The following MAPRE3 variants were observed in gnomAD, a reference collection of about 807,000 sequenced individuals.
The protein encoded by MAPRE3 is microtubule associated protein RP/EB family member 3.
Under a neutral mutation model 30.5 loss-of-function variants are expected in MAPRE3, and 2 were observed. The ratio of observed to expected loss-of-function variants is 0.07; its 90% CI spans 0.03 to 0.21. The LOEUF (loss-of-function observed/expected upper bound fraction) is 0.21, where lower values mean the gene tolerates loss of function less well. MAPRE3 is among the 10% of genes least tolerant of loss of function. The pLI is 1.00. For synonymous variants in MAPRE3, 110 were observed against 127.7 expected, an observed-to-expected ratio of 0.86 and a Z score of 0.93; for missense variants, 204 against 351.8, an observed-to-expected ratio of 0.58 and a Z score of 3.36.
chr2:27,021,614 A>G (rs1667111655), intron 1 of MAPRE3, among the ~76,000 whole-genome samples: 1 of 152,172 alleles, frequency 6.6e-6, no homozygotes, highest in African/African-American at 2.4e-5. Context: ...CCAAATAGAA[A>G]GTCCAGATTC....
intron 1 of MAPRE3, among the ~76,000 whole-genome samples, chr2:27,003,527 T>G (rs1334828316): frequency 6.6e-6 from 1 of 152,232 alleles, no homozygotes; most frequent in Non-Finnish European, 1.5e-5. Flanking sequence ...CGAGCTTTTC[T>G]CATAGCCATG....
chr2:27,006,121 G>A (rs575871578), intron 1 of MAPRE3, among the ~76,000 whole-genome samples: 1 of 152,282 alleles, frequency 6.6e-6, no homozygotes, highest in East Asian at 1.9e-4. Flanking sequence ...GGCGTAGCTG[G>A]CACTGAGCCA....
chr2:26,973,647 C>T (rs891024008), intron 1 of MAPRE3, among the ~76,000 whole-genome samples: 5 of 151,922 alleles, frequency 3.3e-5, no homozygotes, highest in Admixed American at 1.3e-4. Context: ...CTCCGCTTCC[C>T]GGGGTTCACG....
chr2:27,011,509 G>C (rs1298257735), intron 1 of MAPRE3, among the ~76,000 whole-genome samples: 1 of 152,192 alleles, frequency 6.6e-6, no homozygotes, highest in Non-Finnish European at 1.5e-5. Context: ...ACTGGGTGTT[G>C]AGCATTTTGT....
At chr2:26,974,598 A>G (rs1046112254) in intron 1 of MAPRE3, among the ~76,000 whole-genome samples, 1 of 152,192 alleles carries the variant, frequency 6.6e-6, no homozygotes, top group African/African-American at 2.4e-5. Flanking sequence ...TCTGGGAGCC[A>G]TAAGGACTTC....
intron 1 of MAPRE3, among the ~76,000 whole-genome samples, chr2:26,973,173 C>T (rs1410693363): frequency 3.3e-5 from 5 of 152,092 alleles, no homozygotes; most frequent in Admixed American, 2.0e-4. Context: ...TTAAAACCCT[C>T]GGGAAATGGC....
intron 1 of MAPRE3, among the ~76,000 whole-genome samples, chr2:26,971,602 C>G (rs115803390): frequency 1.3e-5 from 2 of 149,756 alleles, no homozygotes; most frequent in Admixed American, 1.3e-4. Flanking sequence ...AAGCATCTTG[C>G]GGAACTCTTT....
At chr2:26,996,234 C>T (rs1666457280) in intron 1 of MAPRE3, among the ~76,000 whole-genome samples, 1 of 151,550 alleles carries the variant, frequency 6.6e-6, no homozygotes, top group South Asian at 2.1e-4. Flanking sequence ...CTCACTGCAG[C>T]CTGGATCTCC....
At chr2:26,971,776 T>G (rs1426695121) in intron 1 of MAPRE3, among the ~76,000 whole-genome samples, 1 of 152,106 alleles carries the variant, frequency 6.6e-6, no homozygotes, top group East Asian at 1.9e-4. Flanking sequence ...TGGATAGTAG[T>G]GAGTTTTTAA....
intron 1 of MAPRE3, among the ~76,000 whole-genome samples, chr2:27,007,594 C>T (rs1666759114): frequency 6.6e-6 from 1 of 152,126 alleles, no homozygotes; most frequent in Non-Finnish European, 1.5e-5. Flanking sequence ...TAGAACACAG[C>T]AAAAGGTCAT....
intron 1 of MAPRE3, among the ~76,000 whole-genome samples, chr2:27,008,472 G>T (rs1558381891): frequency 6.6e-6 from 1 of 151,988 alleles, no homozygotes; most frequent in African/African-American, 2.4e-5. Flanking sequence ...TTAAAAAGAA[G>T]AAAAAATCTG....
intron 1 of MAPRE3, among the ~76,000 whole-genome samples, chr2:26,997,868 C>T (rs553086364): frequency 6.6e-6 from 1 of 152,328 alleles, no homozygotes; most frequent in Admixed American, 6.5e-5. Flanking sequence ...ATTGTTGCAT[C>T]TATTAGAAGG....
At chr2:27,006,074 C>CGGGAGGCTGAGGCAGGAGAATGG (rs1487833317) in intron 1 of MAPRE3, among the ~76,000 whole-genome samples, 12 of 152,014 alleles carry the variant, frequency 7.9e-5, no homozygotes, top group Non-Finnish European at 1.5e-4. Context: ...CCCAGCTACT[C>CGGGAGGCTGAGGCAGGAGAATGG]GGGAGGCTGA....
intron 1 of MAPRE3, among the ~76,000 whole-genome samples, chr2:27,021,080 A>G (rs1191636520): frequency 6.6e-6 from 1 of 152,222 alleles, no homozygotes; most frequent in Non-Finnish European, 1.5e-5. Flanking sequence ...TCGAAGTGAC[A>G]TGGTAGTAGG....
At chr2:26,971,708 T>G (rs900760202) in intron 1 of MAPRE3, among the ~76,000 whole-genome samples, 5 of 152,040 alleles carry the variant, frequency 3.3e-5, no homozygotes, top group African/African-American at 9.7e-5. Context: ...GTGCTTACTG[T>G]TTATATATGA....
At chr2:26,988,965 G>A (rs759272240) in intron 1 of MAPRE3, among the ~76,000 whole-genome samples, 41 of 152,190 alleles carry the variant, frequency 2.7e-4, no homozygotes, top group Admixed American at 6.5e-5. Flanking sequence ...CCCCTTGGAC[G>A]CAGAGAAGAG....
intron 4 of MAPRE3, among the ~76,000 whole-genome samples, chr2:27,024,838 G>A (rs1316043727): frequency 6.6e-6 from 1 of 152,188 alleles, no homozygotes; most frequent in African/African-American, 2.4e-5. Context: ...TAGGGCCTTT[G>A]GGAAGCAGCA....
At chr2:26,988,014 G>A (rs1230997709) in intron 1 of MAPRE3, among the ~76,000 whole-genome samples, 1 of 152,242 alleles carries the variant, frequency 6.6e-6, no homozygotes, top group Non-Finnish European at 1.5e-5. Context: ...AAAGCATGAA[G>A]TTCAAGGTAG....
In MAPRE3 at chr2:26,970,679, A is replaced by G; in HGVS notation, c.-131A>G. On this transcript the variant is annotated 5_prime_UTR_variant, in exon 1 of 7. Transcript: ENST00000233121. ...CAGTCTCTGTGCGTTGAAGCCGGAG[A>G]CCGCGGCGGCCTCAGCGAGGACCCT... 6.6e-6 allele frequency: 1 copy of G among 152,332 alleles called. No individual in the cohort carries two copies. Among genetic ancestry groups the G allele is most frequent in the East Asian group, 1.9e-4 (1 of 5,170 alleles). The allele number at this position is 152,332 out of a possible 1,614,324, so 9.4% of individuals were successfully genotyped here. A position where few individuals can be genotyped will look rare whatever the true frequency, so the allele number is the denominator to read the frequency against.
Sources: allele counts gnomAD v4.1 joint callset (sites outside exome capture counted in the v4.1 genomes callset), GRCh38; gene constraint gnomAD v4.1.1; transcripts MANE v1.5; gene names NCBI Gene and HGNC (gene_info 2026-07-23, HGNC 2026-07-21).